NEU3: variants seen among roughly 807,000 people sequenced by gnomAD.
NEU3 encodes neuraminidase 3, also known as sialidase-3.
A neutral mutation model predicts 11.4 loss-of-function variants in NEU3; 10 were observed. That is an observed-to-expected ratio of 0.88 (90% CI 0.54 to 1.49). The LOEUF (loss-of-function observed/expected upper bound fraction) is 1.49, where lower values mean the gene tolerates loss of function less well. NEU3 is among the 40% of genes most tolerant of loss of function. NEU3 has a pLI of 0.00. For synonymous variants in NEU3, 212 were observed against 228.2 expected (o/e 0.93, Z 0.64); for missense variants, 529 against 581.8 (o/e 0.91, Z 0.93).
At chr11:74,995,902 C>A (rs916959362) in intron 2 of NEU3, among the ~76,000 whole-genome samples, 19 of 151,844 alleles carry the variant, frequency 1.3e-4, no homozygotes, top group African/African-American at 4.6e-4. Flanking sequence ...GCCTGTAATC[C>A]CAGAACTTTG....
intron 1 of NEU3, among the ~76,000 whole-genome samples, chr11:74,989,729 T>C (rs1948710138): frequency 2.0e-5 from 3 of 152,190 alleles, no homozygotes; most frequent in Admixed American, 2.0e-4. Context: ...GGCGGTATTA[T>C]CTCCATTTTA....
chr11:74,997,020 G>A (rs1384031474), intron 2 of NEU3, among the ~76,000 whole-genome samples: 1 of 152,188 alleles, frequency 6.6e-6, no homozygotes, highest in African/African-American at 2.4e-5. Context: ...TAATTCTTAA[G>A]AGCCCTAGGA....
chr11:75,016,805 A>T (rs772145199), intron 3 of NEU3, among the ~76,000 whole-genome samples: 1 of 152,218 alleles, frequency 6.6e-6, no homozygotes, highest in Non-Finnish European at 1.5e-5. Flanking sequence ...GGAAGATGCC[A>T]TTGAGAGAAT....
At chr11:75,004,891 CCTTTTCTTTTTTCTTT>C (rs1367586877) in intron 2 of NEU3, among the ~76,000 whole-genome samples, 1 of 151,708 alleles carries the variant, frequency 6.6e-6, no homozygotes, top group East Asian at 1.9e-4. Context: ...TTCTTTTCTT[CCTTTTCTTTTTTCTTT>C]CTTTCCTTTC....
chr11:74,992,028 A>G (rs1948736606), intron 1 of NEU3, among the ~76,000 whole-genome samples: 1 of 152,242 alleles, frequency 6.6e-6, no homozygotes, highest in African/African-American at 2.4e-5. Flanking sequence ...GAACAAGGAA[A>G]GAAGATAGGC....
chr11:74,996,523 T>C (rs1363454449), intron 2 of NEU3, among the ~76,000 whole-genome samples: 13 of 152,186 alleles, frequency 8.5e-5, no homozygotes, highest in Admixed American at 8.5e-4. Context: ...TTCCACCATA[T>C]CTGCAGTTAC....
Position 74,998,530 on chromosome 11 carries a change from A to G in NEU3, c.306+3810A>G, listed in dbSNP as rs1004256292. ...AAATATATAGTTGTGTCATCTCTCT[A>G]TATCTACATAGTAGGCACTTTAATA... On this transcript the variant is annotated intron_variant, in intron 2 of 2. Transcript: ENST00000294064. Among the ~76,000 whole-genome samples, 5 of 152,198 alleles carry G rather than the reference A, an allele frequency of 3.3e-5. No individual in the cohort carries two copies. The East Asian group carries it at 7.7e-4, about 23-fold the overall frequency.
chr11:74,994,774 C>T, intron 2 of NEU3, 54 bp downstream of exon 2: 2 of 1,477,776 alleles, frequency 1.4e-6, no homozygotes, highest in Non-Finnish European at 1.9e-6. Flanking sequence ...TCACAAAGCT[C>T]AGAGCTCTTC....
At chr11:74,989,410 C>T (rs1948707296) in intron 1 of NEU3, among the ~76,000 whole-genome samples, 1 of 152,180 alleles carries the variant, frequency 6.6e-6, no homozygotes, top group South Asian at 2.1e-4. Context: ...CCCTGCTTAC[C>T]AAAGGTCTCT....
At chr11:75,000,387 C>T (rs1158756234) in intron 2 of NEU3, among the ~76,000 whole-genome samples, 1 of 152,160 alleles carries the variant, frequency 6.6e-6, no homozygotes, top group Non-Finnish European at 1.5e-5. Context: ...AACAGCTCCC[C>T]ATTTCTCCCT....
rs1002847963 is a variant in NEU3 at position 75,004,540 on chromosome 11, A to G, written c.307-873A>G. On this transcript the variant is annotated intron_variant, in intron 2 of 2. Transcript: ENST00000294064. Reference sequence around the variant, plus strand: ...GGAAATTTTCTTACCAATTTCTACTATTGTTTTGAAAATATGTTAGGGAGA... The same window carrying G: ...GGAAATTTTCTTACCAATTTCTACTGTTGTTTTGAAAATATGTTAGGGAGA... 6.7e-6 allele frequency: 3 copies of G among 448,888 alleles called. No homozygotes were observed. The Admixed American group carries it at 1.2e-4, about 18-fold the overall frequency. 27.8% of individuals were successfully genotyped at this position (448,888 alleles called of 1,614,324 possible).
upstream of NEU3, among the ~76,000 whole-genome samples, chr11:74,986,428 T>G (rs1174463539): frequency 6.6e-6 from 1 of 152,238 alleles, no homozygotes; most frequent in East Asian, 1.9e-4. Context: ...AATACAAGAT[T>G]GGAATAATTG....
chr11:74,981,343 A>G, the NEU3 span, among the ~76,000 whole-genome samples: 1 of 152,222 alleles, frequency 6.6e-6, no homozygotes, highest in Non-Finnish European at 1.5e-5. Flanking sequence ...ATGAGCCCTG[A>G]ATGTTCCTGC....
At chr11:74,999,552 C>T (rs2140243636) in intron 2 of NEU3, among the ~76,000 whole-genome samples, 1 of 152,250 alleles carries the variant, frequency 6.6e-6, no homozygotes, top group East Asian at 1.9e-4. Context: ...CAGTCAAGAC[C>T]TATCATTTAT....
intron 1 of NEU3, among the ~76,000 whole-genome samples, chr11:74,990,956 A>G (rs773361354): frequency 6.6e-6 from 1 of 152,238 alleles, no homozygotes; most frequent in Non-Finnish European, 1.5e-5. Context: ...GTTTAAAAAT[A>G]ATAACTGTCA....
chr11:74,990,129 A>C (rs1390779252), intron 1 of NEU3: 1 of 662,524 alleles, frequency 1.5e-6, no homozygotes, highest in Admixed American at 2.3e-5. Context: ...ATAATTAAAG[A>C]CACCTATTAA....
chr11:75,020,564 C>A (rs1353297209), downstream of NEU3, among the ~76,000 whole-genome samples: 1 of 152,192 alleles, frequency 6.6e-6, no homozygotes, highest in Admixed American at 6.5e-5. Flanking sequence ...CCTCTCTTTG[C>A]CTGCTGCTAT....
At position 75,006,340 on chromosome 11, in the gene NEU3, G is replaced by A; in HGVS notation, c.1234G>A (p.Glu412Lys). 6.2e-7 allele frequency: 1 copy of A among 1,614,018 alleles called. No individual in the cohort carries two copies. Among genetic ancestry groups the A allele is most frequent in the Non-Finnish European group, 8.5e-7 (1 of 1,179,898 alleles). The change falls in exon 3 of 3, where the codon GAG becomes AAG. Residue 412 changes from glutamate (E) to lysine (K), a missense_variant. Glu to Lys is a moderately conservative substitution (Grantham distance 56, BLOSUM62 1). Transcript: ENST00000294064. ...CTCTGATCTGGCTGCTCTGGAGGAG[G>A]AGGGCTTGTTTGGGTGTTTGTTTGA... is the stretch of plus-strand genomic sequence containing the variant. ...GYSDLAALEE[E>K]GLFGCLFECG...
At chr11:74,989,267 C>A in intron 1 of NEU3, 113 bp downstream of exon 1, 1 of 839,580 alleles carries the variant, frequency 1.2e-6, no homozygotes, top group Non-Finnish European at 1.9e-6. Flanking sequence ...TGAGACAGAG[C>A]CACCTAGTCG....
Sources: gnomAD v4.1 joint callset for allele counts (sites outside exome capture counted in the v4.1 genomes callset) on GRCh38, gnomAD v4.1.1 for gene constraint, MANE v1.5 for transcripts, NCBI Gene and HGNC (gene_info 2026-07-23, HGNC 2026-07-21) for gene names.